The following MGAT4C variants were observed in gnomAD, a reference collection of about 807,000 sequenced individuals.
MGAT4C encodes MGAT4 family member C.
A neutral mutation model predicts 40.1 loss-of-function variants in MGAT4C; 19 were observed. The observed-to-expected ratio is 0.47, with a 90% CI of 0.33 to 0.70. MGAT4C has a LOEUF of 0.70. Among genes scored for constraint, MGAT4C ranks in the 30% least tolerant of loss-of-function variants. MGAT4C has a pLI of 0.02. For missense variants in MGAT4C, 491 were observed against 563.2 expected, an observed-to-expected ratio of 0.87 and a Z score of 1.30; for synonymous variants, 181 against 187.1, an observed-to-expected ratio of 0.97 and a Z score of 0.27.
chr12:86,149,722 G>A (rs1270111807), intron 1 of MGAT4C, among the ~76,000 whole-genome samples: 1 of 152,128 alleles, frequency 6.6e-6, no homozygotes, highest in Non-Finnish European at 1.5e-5. Flanking sequence ...TTCAACAGGG[G>A]TCTCATATTA....
chr12:86,714,022 T>G (rs1012544073), intron 2 of MGAT4C, among the ~76,000 whole-genome samples: 2 of 152,152 alleles, frequency 1.3e-5, no homozygotes, highest in African/African-American at 4.8e-5. Flanking sequence ...ATTGCAGAAA[T>G]TTCATATAGG....
Position 85,993,363 on chromosome 12 carries a change from C to T in MGAT4C, c.-6-3811G>A, listed in dbSNP as rs577743950. On this transcript the variant is annotated intron_variant, in intron 2 of 4. Transcript: ENST00000611864. ...AGGACCAGTTGGAAGAATGGCAATA[C>T]CATTGGAGGACAAAATGAGCCCCTC... Among the ~76,000 whole-genome samples, 418 of 151,644 alleles carry T rather than the reference C, an allele frequency of 2.8e-3. 1 individual carries two copies. The highest frequency in any genetic ancestry group is 5.1e-3 in the Non-Finnish European group (346 of 67,888).
rs547864598 is a variant in MGAT4C, at chr12:86,793,250, G to A, written c.-262+45416C>T. On this transcript the variant is annotated intron_variant, in intron 1 of 7. Transcript: ENST00000548651. ...TCGTGCTATTAAAGATGCAACTTTT[G>A]TTCACAGGAGGGCATCATTACTCAG... Among the ~76,000 whole-genome samples the A allele has an allele frequency of 7.9e-5, 12 of 152,032 alleles. No individual in the cohort carries two copies. The South Asian group carries it at 2.3e-3, about 29-fold the overall frequency.
intron 2 of MGAT4C, among the ~76,000 whole-genome samples, chr12:85,999,263 T>G (rs1016801632): frequency 2.6e-5 from 4 of 152,118 alleles, no homozygotes; most frequent in African/African-American, 9.7e-5. Context: ...CAGTTCAAGA[T>G]GAGATTTGGG....
At chr12:86,015,253 A>ATGTGTGTG (rs74276061) in intron 2 of MGAT4C, among the ~76,000 whole-genome samples, 53 of 151,176 alleles carry the variant, frequency 3.5e-4, no homozygotes, top group Non-Finnish European at 6.5e-4. Flanking sequence ...TTTTGCACCA[A>ATGTGTGTG]TGTGTGTGTG....
intron 2 of MGAT4C, among the ~76,000 whole-genome samples, chr12:86,480,501 C>T (rs57732356): frequency 0.02 from 2,423 of 122,258 alleles, 90 homozygotes; most frequent in African/African-American, 0.07. Flanking sequence ...GATATGTACA[C>T]ATATACGTAT....
rs550981363 is a variant in MGAT4C at position 86,655,091 on chromosome 12, G to T, written c.-229+72118C>A. Among the ~76,000 whole-genome samples, 10 of 151,838 alleles carry T rather than the reference G, an allele frequency of 6.6e-5. No homozygotes were observed. In the South Asian group the frequency reaches 1.0e-3, roughly 16 times the overall value. On this transcript the variant is annotated intron_variant, in intron 2 of 7. Transcript: ENST00000548651. The stretch of plus-strand genomic sequence containing the variant: ...TAGGGTACATGTGCACAGCATGCAG[G>T]TTTGTTGCATAGGTATATATGTGCC...
intron 1 of MGAT4C, among the ~76,000 whole-genome samples, chr12:86,233,940 T>A (rs1028063357): frequency 1.3e-5 from 2 of 152,172 alleles, no homozygotes; most frequent in Non-Finnish European, 2.9e-5. Context: ...AAGCTTATAA[T>A]ATGTATTATG....
At chr12:86,457,945 A>G (rs956432765) in intron 2 of MGAT4C, among the ~76,000 whole-genome samples, 1 of 152,068 alleles carries the variant, frequency 6.6e-6, no homozygotes, top group African/African-American at 2.4e-5. Flanking sequence ...AAATACTTTT[A>G]AAGACAATTT....
intron 2 of MGAT4C, among the ~76,000 whole-genome samples, chr12:86,710,955 G>A (rs1249516037): frequency 3.3e-5 from 5 of 152,056 alleles, no homozygotes; most frequent in Non-Finnish European, 5.9e-5. Flanking sequence ...AATATCATAT[G>A]TTCTCACTTA....
intron 2 of MGAT4C, among the ~76,000 whole-genome samples, chr12:86,556,275 C>A (rs1012692849): frequency 6.6e-6 from 1 of 152,202 alleles, no homozygotes; most frequent in South Asian, 2.1e-4. Flanking sequence ...TATAGAACTG[C>A]AAGAATAAAA....
intron 4 of MGAT4C, among the ~76,000 whole-genome samples, chr12:86,273,659 A>G (rs1262835111): frequency 6.6e-6 from 1 of 152,186 alleles, no homozygotes; most frequent in African/African-American, 2.4e-5. Context: ...ATACCATAAC[A>G]TAGGGTCATT....
In MGAT4C at chr12:86,737,542, C is replaced by T. The variant is rs1299097983; in HGVS notation, c.-261-10301G>A. Among the ~76,000 whole-genome samples the T allele has an allele frequency of 5.9e-5, 9 of 151,308 alleles. No homozygotes were observed. In the East Asian group the frequency reaches 9.7e-4, roughly 16 times the overall value. ...TCCCCTAAGTGATTTCATCCAGTTT[C>T]GAAGACAAATTCCATGCCAGTACCG... On this transcript the variant is annotated intron_variant, in intron 1 of 7. Transcript: ENST00000548651.
rs553577680 is a variant in MGAT4C at position 86,024,264 on chromosome 12, TCTTC to T, written c.-7+25406_-7+25409del. 1.9e-3 allele frequency among the ~76,000 whole-genome samples: 290 copies of T among 151,750 alleles called. 1 individual carries two copies. The highest frequency in any genetic ancestry group is 6.8e-3 in the African/African-American group (281 of 41,354). On this transcript the variant is annotated intron_variant, in intron 2 of 4. Transcript: ENST00000611864. The stretch of plus-strand genomic sequence containing the variant: ...ATAGAATGATGGTTCTACTTTTGAC[TCTTC>T]CTTTTGTCTTTTCTCAATTAATACA...
At chr12:86,430,842 T>C (rs1393486155) in intron 3 of MGAT4C, among the ~76,000 whole-genome samples, 1 of 152,168 alleles carries the variant, frequency 6.6e-6, no homozygotes, top group Non-Finnish European at 1.5e-5. Context: ...TTGGGACTCT[T>C]TGGGAGGGCT....
chr12:86,513,111 C>T (rs1958621846), intron 2 of MGAT4C, among the ~76,000 whole-genome samples: 1 of 151,840 alleles, frequency 6.6e-6, no homozygotes, highest in Non-Finnish European at 1.5e-5. Context: ...GTATGTATCC[C>T]CACAATTCTT....
At chr12:86,204,136 T>C (rs1251136962) in intron 1 of MGAT4C, among the ~76,000 whole-genome samples, 1 of 151,678 alleles carries the variant, frequency 6.6e-6, no homozygotes, top group East Asian at 1.9e-4. Flanking sequence ...AGATAAAGTG[T>C]TCAGGTAACC....
chr12:86,620,077 T>C (rs1417366721), intron 2 of MGAT4C, among the ~76,000 whole-genome samples: 1 of 152,058 alleles, frequency 6.6e-6, no homozygotes, highest in African/African-American at 2.4e-5. Context: ...TTGGTGAGGA[T>C]GCAAAGAAAA....
chr12:86,022,903 T>G (rs1173606895), intron 2 of MGAT4C, among the ~76,000 whole-genome samples: 3 of 151,918 alleles, frequency 2.0e-5, no homozygotes, highest in Non-Finnish European at 4.4e-5. Context: ...GAATATTACA[T>G]AGAGGAGATG....
Sources: allele counts gnomAD v4.1 joint callset (sites outside exome capture counted in the v4.1 genomes callset), GRCh38; gene constraint gnomAD v4.1.1; transcripts MANE v1.5; gene names NCBI Gene and HGNC (gene_info 2026-07-23, HGNC 2026-07-21).